The following PRKCZ variants were observed in gnomAD, a reference collection of about 807,000 sequenced individuals.
The protein encoded by PRKCZ is protein kinase C zeta.
Under a neutral mutation model 79.5 loss-of-function variants are expected in PRKCZ, and 33 were observed. The ratio of observed to expected loss-of-function variants is 0.41; its 90% confidence interval spans 0.31 to 0.55. The LOEUF (loss-of-function observed/expected upper bound fraction) is 0.55, where lower values mean the gene tolerates loss of function less well. Among genes scored for constraint, PRKCZ ranks in the 20% least tolerant of loss-of-function variants. PRKCZ has a pLI of 0.19. For synonymous variants in PRKCZ, 342 were observed against 320.9 expected, an observed-to-expected ratio of 1.07 and a Z score of -0.70; for missense variants, 578 against 813.5, an observed-to-expected ratio of 0.71 and a Z score of 3.52.
chr1:2,174,797 C>G lies in PRKCZ; in HGVS notation c.1449C>G (p.Val483=), dbSNP rs1007765416. The change falls in exon 15 of 18, where the codon GTC becomes GTG. Residue 483 remains valine, a synonymous_variant. Transcript: ENST00000378567. This position sits in a 1 kb window ranked among gnomAD's most constrained non-coding sequence, Gnocchi z 6.2. ...TCCGGATCCCCCGGTTCCTGTCCGTCAAAGCCTCCCATGTTTTAAAAGGAT... is the reference window on the plus strand; with the variant it reads ...TCCGGATCCCCCGGTTCCTGTCCGTGAAAGCCTCCCATGTTTTAAAAGGAT... ...KPIRIPRFLS[V]KASHVLKGFL... The G allele has an allele frequency of 6.2e-7, 1 of 1,614,154 alleles. No homozygotes were observed. The highest frequency in any genetic ancestry group is 1.7e-5 in the Admixed American group (1 of 60,028).
At chr1:2,103,978 A>G (rs1309423099) in intron 4 of PRKCZ, among the ~76,000 whole-genome samples, 1 of 152,232 alleles carries the variant, frequency 6.6e-6, no homozygotes, top group African/African-American at 2.4e-5. Context: ...CCCCTGCCCA[A>G]CATTTGGCTC....
chr1:2,061,395 G>A (rs1363476540), intron 4 of PRKCZ, among the ~76,000 whole-genome samples: 17 of 151,994 alleles, frequency 1.1e-4, no homozygotes, highest in Non-Finnish European at 1.5e-5. Context: ...GGCCACTGCA[G>A]TGGAGGAAGG....
rs1557685107 is a variant in PRKCZ at position 2,150,784 on chromosome 1, C to T, written c.688-6C>T. The T allele has an allele frequency of 1.9e-6, 3 of 1,612,802 alleles. No homozygotes were observed. The East Asian group carries it at 6.7e-5, about 36-fold the overall frequency. On this transcript the variant is annotated splice_polypyrimidine_tract_variant and splice_region_variant and intron_variant, in intron 8 of 17. Transcript: ENST00000378567. ...CACTTTCTGGGGTCTTGTTCTCCCT[C>T]CCTAGGACCTTAAGCCAGTTATCGA...
intron 4 of PRKCZ, among the ~76,000 whole-genome samples, chr1:2,112,841 C>T (rs1053104619): frequency 6.6e-6 from 1 of 152,164 alleles, no homozygotes; most frequent in Non-Finnish European, 1.5e-5. Flanking sequence ...AGGAGCTCGC[C>T]ACCATGTCTG....
intron 4 of PRKCZ, among the ~76,000 whole-genome samples, chr1:2,111,127 G>C (rs968884511): frequency 6.6e-6 from 1 of 152,128 alleles, no homozygotes; most frequent in African/African-American, 2.4e-5. Context: ...CAGGGAAGGC[G>C]AGGAGGAGCC....
intron 4 of PRKCZ, among the ~76,000 whole-genome samples, chr1:2,086,602 C>T (rs1238377531): frequency 1.3e-5 from 2 of 152,224 alleles, no homozygotes; most frequent in East Asian, 1.9e-4. Context: ...CGTTTCTCCA[C>T]GGAACTTGGC....
chr1:2,087,662 G>A (rs778413414), intron 4 of PRKCZ, among the ~76,000 whole-genome samples: 8 of 152,194 alleles, frequency 5.3e-5, no homozygotes, highest in Non-Finnish European at 1.2e-4. Context: ...TAATATGTGT[G>A]CGATGCCAGC....
chr1:2,074,116 G>A (rs1311478980), intron 4 of PRKCZ: 2 of 1,519,528 alleles, frequency 1.3e-6, no homozygotes, highest in Admixed American at 2.0e-5. Context: ...ACGGCCCGGG[G>A]AAGGCGTGCG....
rs947101409 is a variant in PRKCZ at position 2,082,814 on chromosome 1, T to C, written c.334+23223T>C. Among the ~76,000 whole-genome samples, 2 of 151,606 alleles carry C rather than the reference T, an allele frequency of 1.3e-5. No homozygotes were observed. The highest frequency in any genetic ancestry group is 2.9e-5 in the Non-Finnish European group (2 of 67,908). On this transcript the variant is annotated intron_variant, in intron 4 of 17. Coordinates refer to ENST00000378567, the MANE Select transcript of PRKCZ (RefSeq NM_002744.6). The surrounding 1 kb of genome is among the most constrained non-coding windows in gnomAD (Gnocchi z 4.4). The stretch of plus-strand genomic sequence containing the variant: ...CTTCACAGGGGCACTCCGGATGTAG[T>C]AGCAGGGAGAGGGTGGAGGGGCGGC...
At chr1:2,062,807 T>C (rs1007188060) in intron 4 of PRKCZ, among the ~76,000 whole-genome samples, 1 of 151,734 alleles carries the variant, frequency 6.6e-6, no homozygotes, top group Non-Finnish European at 1.5e-5. Flanking sequence ...CCATTAAAAT[T>C]TAAAGGTTCA....
chr1:2,147,175 T>C (rs190193832), intron 7 of PRKCZ, among the ~76,000 whole-genome samples: 291 of 152,228 alleles, frequency 1.9e-3, no homozygotes, highest in African/African-American at 6.7e-3. Context: ...TATTGTCCAC[T>C]GACCTCTCCA....
At position 2,155,196 on chromosome 1, in the gene PRKCZ, ATGT is replaced by A. The variant is rs369028321; in HGVS notation, c.877-796_877-794del. ...TGATGACGTGGTGGTGGTGATGAAGATGTTGATGATGGCGGTGATGATGGTGAT... is the reference window on the plus strand; with the variant it reads ...TGATGACGTGGTGGTGGTGATGAAGATGATGATGGCGGTGATGATGGTGAT... On this transcript the variant is annotated intron_variant, in intron 9 of 17. Transcript: ENST00000378567. Among the ~76,000 whole-genome samples, 602 of 151,524 alleles carry A rather than the reference ATGT, an allele frequency of 4.0e-3. 4 individuals are homozygous for A. Among genetic ancestry groups the A allele is most frequent in the African/African-American group, 0.014 (557 of 41,214 alleles).
At chr1:2,089,669 C>G (rs575825955) in intron 4 of PRKCZ, among the ~76,000 whole-genome samples, 1 of 152,134 alleles carries the variant, frequency 6.6e-6, no homozygotes, top group Admixed American at 6.5e-5. Context: ...CTCCTGACAC[C>G]GTCGCCTGTG....
intron 4 of PRKCZ, among the ~76,000 whole-genome samples, chr1:2,093,056 C>T (rs1375840348): frequency 2.0e-5 from 3 of 151,374 alleles, no homozygotes; most frequent in Non-Finnish European, 4.4e-5. Flanking sequence ...CCCAGTAGCA[C>T]AGAGATGCCA....
At chr1:2,097,623 A>T (rs930084673) in intron 4 of PRKCZ, among the ~76,000 whole-genome samples, 1 of 151,166 alleles carries the variant, frequency 6.6e-6, no homozygotes, top group Non-Finnish European at 1.5e-5. Context: ...CCAGCTGTAG[A>T]GCCCCATGTT....
intron 4 of PRKCZ, chr1:2,104,934 C>T (rs535656406): frequency 1.0e-5 from 10 of 985,126 alleles, no homozygotes; most frequent in African/African-American, 5.2e-5. Context: ...TTACACAGCA[C>T]CCAGGCCTTT....
intron 4 of PRKCZ, among the ~76,000 whole-genome samples, chr1:2,106,643 G>A (rs113576620): frequency 3.5e-4 from 30 of 85,432 alleles, no homozygotes; most frequent in African/African-American, 3.0e-3. Flanking sequence ...AAGCCCCTCT[G>A]GTGGGCGAGG....
chr1:2,102,431 C>T (rs1667604119), intron 4 of PRKCZ, among the ~76,000 whole-genome samples: 1 of 151,564 alleles, frequency 6.6e-6, no homozygotes, highest in Admixed American at 6.6e-5. Flanking sequence ...CTCCCAAGTT[C>T]ACACCATTCT....
chr1:2,088,567 G>A (rs72903312), intron 4 of PRKCZ, among the ~76,000 whole-genome samples: 3,776 of 152,288 alleles, frequency 0.025, 157 homozygotes, highest in East Asian at 0.13. Flanking sequence ...GCGGCTTCCG[G>A]AGGTCCCAGA....
Sources: gnomAD v4.1 joint callset for allele counts (sites outside exome capture counted in the v4.1 genomes callset) on GRCh38, gnomAD v4.1.1 for gene constraint, Gnocchi (gnomAD v3.1) non-coding constraint, MANE v1.5 for transcripts, NCBI Gene and HGNC (gene_info 2026-07-23, HGNC 2026-07-21) for gene names.